Variants in FOXP3 observed in about 807,000 individuals in gnomAD.
FOXP3 encodes forkhead box P3, also known as forkhead box protein P3.
A neutral mutation model predicts 31.2 loss-of-function variants in FOXP3; 5 were observed. The ratio of observed to expected loss-of-function variants is 0.16; its 90% CI spans 0.08 to 0.34. The LOEUF (loss-of-function observed/expected upper bound fraction) is 0.34. Among genes scored for constraint, FOXP3 ranks in the 10% least tolerant of loss-of-function variants. The pLI is 1.00. For missense variants in FOXP3, 251 were observed against 363.0 expected, an observed-to-expected ratio of 0.69 and a Z score of 2.51; for synonymous variants, 141 against 148.8, an observed-to-expected ratio of 0.95 and a Z score of 0.38.
At chrX:49,263,133 G>A (rs2066119609) in intron 1 of FOXP3, among the ~76,000 whole-genome samples, 1 of 81,112 alleles carries the variant, frequency 1.2e-5, no homozygotes. Context: ...GGAAAAATAA[G>A]ATGAACACCC....
rs1395937139 is a variant in FOXP3 at position 49,257,762 on chromosome X, T to A, written c.217A>T (p.Thr73Ser). The change falls in exon 3 of 12, where the codon ACA becomes TCA. Residue 73 changes from threonine to serine, a missense_variant. By Grantham distance (58) the Thr-to-Ser change is moderately conservative. Around this residue, in one of 4 missense-constraint regions of FOXP3, gnomAD observed 152 missense variants for 188.1 expected, o/e 0.81. Transcript: ENST00000376207. ...PMPPSQLQLP[T>S]LPLVMVAPSG... ...GGTGCCACCATGACTAGGGGCAGTGTGGGCAGCTGGGCAGAAAGGCAGGTG... is the reference window on the plus strand; with the variant it reads ...GGTGCCACCATGACTAGGGGCAGTGAGGGCAGCTGGGCAGAAAGGCAGGTG... 8.6e-7 allele frequency: 1 copy of A among 1,164,348 alleles called. No homozygotes were observed. The highest frequency in any genetic ancestry group is 1.8e-5 in the African/African-American group (1 of 55,972).
chrX:49,261,865 T>G (rs920941921), intron 1 of FOXP3, among the ~76,000 whole-genome samples: 1 of 111,839 alleles, frequency 8.9e-6, no homozygotes, highest in East Asian at 2.8e-4. Flanking sequence ...CCGCTGCATT[T>G]CGGTGAGGCC....
Position 49,250,898 on chromosome X carries a change from GTTGT to G in FOXP3, c.*432_*435del, listed in dbSNP as rs782406259. 2.0e-4 allele frequency: 47 copies of G among 234,041 alleles called. No homozygotes were observed. The South Asian group carries it at 2.4e-3, about 12-fold the overall frequency. 19.3% of individuals were successfully genotyped at this position (234,041 alleles called of 1,213,427 possible). On this transcript the variant is annotated 3_prime_UTR_variant, in exon 12 of 12. Coordinates refer to ENST00000376207, the MANE Select transcript of FOXP3 (RefSeq NM_014009.4). The stretch of plus-strand genomic sequence containing the variant: ...GATTGTGTGATGATGCAGCTTTGAG[GTTGT>G]TTGAGTGTACTGAGGCAGGCTCTCT...
chrX:49,256,239 AG>A (rs2066071475), intron 6 of FOXP3, among the ~76,000 whole-genome samples: 1 of 37,179 alleles, frequency 2.7e-5, no homozygotes, highest in Admixed American at 2.8e-4. Flanking sequence ...AGAGAGAGAG[AG>A]AGAGAGAGAG....
At position 49,257,031 on chromosome X, in the gene FOXP3, C is replaced by T. The variant is rs1296007133; in HGVS notation, c.455-19G>A. 6.8e-6 allele frequency: 8 copies of T among 1,173,850 alleles called. No individual in the cohort carries two copies. The African/African-American group carries it at 8.8e-5, about 13-fold the overall frequency. On this transcript the variant is annotated intron_variant, in intron 4 of 11. Coordinates refer to ENST00000376207, the MANE Select transcript of FOXP3 (RefSeq NM_014009.4). ...TTGATCCCTGTGGGTGGGGACAGGGCACCTATGGAGGCTGTGGGCTGGGCT... is the reference window on the plus strand; with the variant it reads ...TTGATCCCTGTGGGTGGGGACAGGGTACCTATGGAGGCTGTGGGCTGGGCT...
At chrX:49,263,857 C>G (rs980306297) in intron 1 of FOXP3, among the ~76,000 whole-genome samples, 3 of 111,205 alleles carry the variant, frequency 2.7e-5, no homozygotes, top group African/African-American at 9.8e-5. Context: ...TCCCTGCCCC[C>G]CCGCCCCAAG....
At position 49,251,244 on chromosome X, in the gene FOXP3, C is replaced by T. The variant is rs960187757; in HGVS notation, c.*90G>A. On this transcript the variant is annotated 3_prime_UTR_variant, in exon 12 of 12. Coordinates refer to ENST00000376207, the MANE Select transcript of FOXP3 (RefSeq NM_014009.4). ...CCTCACTTCTTGGTCCCTGTGGGCA[C>T]ATCCAGGGCCTATCATCCCTGCCCC... 1 of 1,058,535 alleles carries T rather than the reference C, an allele frequency of 9.4e-7. No homozygotes were observed. The highest frequency in any genetic ancestry group is 1.3e-6 in the Non-Finnish European group (1 of 774,282). The allele number at this position is 1,058,535 out of a possible 1,213,427, so 87.2% of individuals were successfully genotyped here. A position where few individuals can be genotyped will look rare whatever the true frequency, so the allele number is the denominator to read the frequency against.
intron 8 of FOXP3, among the ~76,000 whole-genome samples, chrX:49,254,749 G>A (rs888461131): frequency 4.5e-5 from 5 of 111,409 alleles, no homozygotes; most frequent in Non-Finnish European, 5.7e-5. Context: ...CTTCATGGGC[G>A]TGTGACCTAT....
At chrX:49,253,309 C>T in intron 9 of FOXP3, 107 bp from the exon 10 acceptor site, 1 of 603,134 alleles carries the variant, frequency 1.7e-6, no homozygotes, top group Non-Finnish European at 2.8e-6. Context: ...TCACCGTCAA[C>T]ACCCGTGTCC....
intron 6 of FOXP3, among the ~76,000 whole-genome samples, chrX:49,256,206 GTGAGAGAGAGAGAA>G (rs2066068801): frequency 1.0e-5 from 1 of 95,271 alleles, no homozygotes; most frequent in African/African-American, 3.9e-5. Context: ...GTGTGTGTGT[GTGAGAGAGAGAGAA>G]AGAGAGAGAG....
In FOXP3 at chrX:49,253,908, CA is replaced by C; in HGVS notation, c.967+8del. ...TGGGGGCACCGTGTAGTGCAAGGAC[CA>C]TTCTTACCTGGGAATGTGCTGTTTC... On this transcript the variant is annotated splice_region_variant and intron_variant, in intron 9 of 11. Coordinates refer to ENST00000376207, the MANE Select transcript of FOXP3 (RefSeq NM_014009.4). 3 of 1,211,284 alleles carry C rather than the reference CA, an allele frequency of 2.5e-6. No individual in the cohort carries two copies. The South Asian group carries it at 5.3e-5, about 21-fold the overall frequency.
rs1217184306 is a variant in FOXP3 at position 49,255,369 on chromosome X, G to A, written c.816+60C>T. ...GAGGTTAGGTTCCCTGCACCGTGCA[G>A]ACCTCCTCCCTGCCCCCCAGCAGTC... is the stretch of plus-strand genomic sequence containing the variant. On this transcript the variant is annotated intron_variant, in intron 8 of 11. Transcript: ENST00000376207. The A allele has an allele frequency of 6.4e-6, 7 of 1,095,334 alleles. No homozygotes were observed. In the African/African-American group the frequency reaches 1.3e-4, roughly 20 times the overall value. 90.3% of individuals were successfully genotyped at this position (1,095,334 alleles called of 1,213,427 possible).
At chrX:49,253,712 G>C (rs782217357) in intron 9 of FOXP3, among the ~76,000 whole-genome samples, 2 of 112,033 alleles carry the variant, frequency 1.8e-5, no homozygotes, top group African/African-American at 3.2e-5. Context: ...CCCGACACTC[G>C]AGACCATATG....
intron 5 of FOXP3, 26 bp downstream of exon 5, chrX:49,256,899 G>C: frequency 8.3e-7 from 1 of 1,208,530 alleles, no homozygotes; most frequent in Non-Finnish European, 1.1e-6. Flanking sequence ...GGAGGGCGAG[G>C]ATCCTTCCCA....
At chrX:49,256,526 C>T (rs914665332) in intron 6 of FOXP3, among the ~76,000 whole-genome samples, 3 of 112,000 alleles carry the variant, frequency 2.7e-5, no homozygotes, top group African/African-American at 9.7e-5. Context: ...ACAGCACAAA[C>T]GTTTCTTATT....
chrX:49,262,135 C>T (rs1557117295), intron 1 of FOXP3, among the ~76,000 whole-genome samples: 1 of 112,184 alleles, frequency 8.9e-6, no homozygotes, highest in African/African-American at 3.2e-5. Flanking sequence ...GCATGGAGAG[C>T]CAGAGTGCAT....
intron 1 of FOXP3, 48 bp downstream of exon 1, chrX:49,264,613 C>T: frequency 2.7e-6 from 2 of 737,103 alleles, no homozygotes; most frequent in Non-Finnish European, 1.6e-6. Flanking sequence ...TCCCTGCCAT[C>T]TCCTCCAATG....
chrX:49,253,768 C>A, intron 9 of FOXP3, 149 bp downstream of exon 9: 4 of 695,528 alleles, frequency 5.8e-6, no homozygotes, highest in South Asian at 5.1e-5. Context: ...CTTTTGTGAG[C>A]GGATGCATTT....
At chrX:49,260,827 G>A (rs781935352) in intron 1 of FOXP3, among the ~76,000 whole-genome samples, 3 of 113,018 alleles carry the variant, frequency 2.7e-5, no homozygotes, top group African/African-American at 9.6e-5. Flanking sequence ...GGGCTTCATC[G>A]ACACCACGGA....
Sources: gnomAD v4.1 joint callset for allele counts (sites outside exome capture counted in the v4.1 genomes callset) on GRCh38, gnomAD v4.1.1 for gene constraint, gnomAD v4.1.1 regional missense constraint, MANE v1.5 for transcripts, NCBI Gene and HGNC (gene_info 2026-07-23, HGNC 2026-07-21) for gene names.